The following PSD3 variants were observed in gnomAD, a reference collection of about 807,000 sequenced individuals.
PSD3 encodes PH and SEC7 domain-containing protein 3.
In PSD3, 49 loss-of-function variants were observed where a neutral mutation model predicts 105.5. The ratio of observed to expected loss-of-function variants is 0.46; its 90% CI spans 0.37 to 0.59. PSD3 has a LOEUF of 0.59. PSD3 is among the 20% of genes least tolerant of loss of function. The pLI is 0.00. For synonymous variants in PSD3, 557 were observed against 457.8 expected (o/e 1.22, Z -2.77); for missense variants, 1,561 against 1,263.8 (o/e 1.24, Z -3.57).
At chr8:19,037,603 C>T (rs1586654758) in intron 1 of PSD3, among the ~76,000 whole-genome samples, 1 of 152,148 alleles carries the variant, frequency 6.6e-6, no homozygotes, top group South Asian at 2.1e-4. Context: ...GAATGGCCAT[C>T]GTCCAGTTTG....
rs1397342288 is a variant in PSD3, at chr8:18,575,141, G to C, written c.2626C>G (p.Leu876Val). The change falls in exon 13 of 16, where the codon CTT (leucine) becomes GTT (valine). Residue 876 changes from leucine (L) to valine (V), a missense_variant. Coordinates refer to ENST00000327040, the MANE Select transcript of PSD3 (RefSeq NM_015310.4). ...AACAAAACATACTGAGTTTGAAAAA[G>C]CAAGACCCTCCAGTCGGCAGTTTTA... ...KLKTADWRVL[L>V]FQTQSPEEMQ... 6.2e-7 allele frequency: 1 copy of C among 1,612,714 alleles called. No homozygotes were observed. Among genetic ancestry groups the C allele is most frequent in the Non-Finnish European group, 8.5e-7 (1 of 1,179,510 alleles).
intron 9 of PSD3, among the ~76,000 whole-genome samples, chr8:18,659,170 TCCTCCTGAACTTCGCAG>T (rs1809131163): frequency 6.6e-6 from 1 of 152,148 alleles, no homozygotes; most frequent in Admixed American, 6.5e-5. Flanking sequence ...CCACTAATAA[TCCTCCTGAACTTCGCAG>T]CCTCCCCTAT....
intron 1 of PSD3, among the ~76,000 whole-genome samples, chr8:19,023,438 A>G (rs1335191293): frequency 8.4e-6 from 1 of 119,274 alleles, no homozygotes; most frequent in Non-Finnish European, 1.9e-5. Flanking sequence ...TTTATTTATT[A>G]TTTCTTTAGA....
chr8:18,913,048 TTAATC>T (rs561276547), intron 2 of PSD3, among the ~76,000 whole-genome samples: 1 of 146,558 alleles, frequency 6.8e-6, no homozygotes, highest in Non-Finnish European at 1.5e-5. Context: ...AAAATCTGGT[TTAATC>T]TAAACAACTT....
intron 11 of PSD3, among the ~76,000 whole-genome samples, chr8:18,622,325 A>T (rs995488232): frequency 2.4e-4 from 36 of 152,212 alleles, no homozygotes; most frequent in African/African-American, 8.7e-4. Flanking sequence ...TTTACAAAAA[A>T]ACCTTTTGAA....
At chr8:19,046,620 G>A (rs564905398) in intron 1 of PSD3, among the ~76,000 whole-genome samples, 1 of 152,286 alleles carries the variant, frequency 6.6e-6, no homozygotes, top group African/African-American at 2.4e-5. Context: ...AAATGCCCAA[G>A]TATAACTTTG....
chr8:19,049,227 A>T (rs1425115993), intron 1 of PSD3, among the ~76,000 whole-genome samples: 1 of 152,200 alleles, frequency 6.6e-6, no homozygotes, highest in Non-Finnish European at 1.5e-5. Flanking sequence ...GTCATCCCAT[A>T]ATAGGCTCCA....
At chr8:18,589,654 T>G (rs904392433) in intron 12 of PSD3, among the ~76,000 whole-genome samples, 1 of 152,204 alleles carries the variant, frequency 6.6e-6, no homozygotes, top group Non-Finnish European at 1.5e-5. Context: ...GATATGGGTT[T>G]CCAGTGGCAG....
At chr8:18,888,939 C>T (rs1290703283) in intron 2 of PSD3, among the ~76,000 whole-genome samples, 1 of 152,108 alleles carries the variant, frequency 6.6e-6, no homozygotes, top group East Asian at 1.9e-4. Flanking sequence ...TTGTGAGCAT[C>T]CCATAAGCTA....
At chr8:18,670,176 A>C (rs1799697642) in intron 9 of PSD3, among the ~76,000 whole-genome samples, 1 of 152,152 alleles carries the variant, frequency 6.6e-6, no homozygotes. Context: ...AGTGACCGGG[A>C]GCAGCCACGC....
intron 8 of PSD3, among the ~76,000 whole-genome samples, chr8:18,789,654 A>G (rs140409838): frequency 1.4e-3 from 219 of 152,312 alleles, no homozygotes; most frequent in African/African-American, 4.9e-3. Context: ...TAAAATTTGA[A>G]AAGATAAACA....
At chr8:18,924,696 C>T (rs537596989) in intron 2 of PSD3, 1 of 152,184 alleles carries the variant, frequency 6.6e-6, no homozygotes, top group Non-Finnish European at 1.5e-5. Flanking sequence ...TTTTTCTTGT[C>T]TTGCTCTCCA....
chr8:18,627,726 G>A (rs75622204), intron 11 of PSD3, among the ~76,000 whole-genome samples: 1 of 150,802 alleles, frequency 6.6e-6, no homozygotes, highest in East Asian at 1.9e-4. Context: ...TTTTTTAGAT[G>A]AATACAACTA....
At chr8:18,797,646 T>C (rs192093303) in intron 8 of PSD3, among the ~76,000 whole-genome samples, 183 of 152,312 alleles carry the variant, frequency 1.2e-3, no homozygotes, top group African/African-American at 4.0e-3. Flanking sequence ...TACATGCTTA[T>C]GTAAAAGTAT....
chr8:18,542,687 C>G (rs1033637154), intron 15 of PSD3, among the ~76,000 whole-genome samples: 1 of 152,152 alleles, frequency 6.6e-6, no homozygotes, highest in Non-Finnish European at 1.5e-5. Flanking sequence ...AAGAGTCTTG[C>G]AGTCAAGTAG....
chr8:18,755,491 G>C (rs1382429697), intron 9 of PSD3, among the ~76,000 whole-genome samples: 4 of 79,358 alleles, frequency 5.0e-5, no homozygotes, highest in African/African-American at 1.8e-4. Context: ...ACATAAAAAT[G>C]CTCCAAACAT....
At chr8:18,875,331 T>C (rs1166042826) in intron 2 of PSD3, among the ~76,000 whole-genome samples, 1 of 152,150 alleles carries the variant, frequency 6.6e-6, no homozygotes, top group Non-Finnish European at 1.5e-5. Context: ...CTTGCTTACA[T>C]CTGAAGAGGA....
At chr8:19,017,050 C>CTTTTT (rs60211350), upstream of PSD3, among the ~76,000 whole-genome samples, 1 of 115,598 alleles carries the variant, frequency 8.7e-6, no homozygotes, top group Non-Finnish European at 1.8e-5. Flanking sequence ...TGGCTACATA[C>CTTTTT]TTTTTTTTTT....
At chr8:18,659,034 C>T (rs1359560110) in intron 9 of PSD3, among the ~76,000 whole-genome samples, 1 of 152,142 alleles carries the variant, frequency 6.6e-6, no homozygotes, top group East Asian at 1.9e-4. Context: ...GTTCAGTTCA[C>T]CTATCCTTCC....
Sources: allele counts gnomAD v4.1 joint callset (sites outside exome capture counted in the v4.1 genomes callset), GRCh38; gene constraint gnomAD v4.1.1; transcripts MANE v1.5; gene names NCBI Gene and HGNC (gene_info 2026-07-23, HGNC 2026-07-21).